The following YTHDC2 variants were observed in gnomAD, a reference collection of about 807,000 sequenced individuals.
YTHDC2 encodes the protein YTH N6-methyladenosine RNA binding protein C2.
YTHDC2 carries 45 observed loss-of-function variants against 174.9 expected under a neutral mutation model. The observed-to-expected ratio is 0.26, with a 90% confidence interval of 0.20 to 0.33. The LOEUF is 0.33. Among genes scored for constraint, YTHDC2 ranks in the 10% least tolerant of loss-of-function variants. The pLI, the probability that YTHDC2 is intolerant of heterozygous loss-of-function variation, is 1.00. For synonymous variants in YTHDC2, 657 were observed against 574.5 expected (o/e 1.14, Z -2.05); for missense variants, 1,650 against 1,723.7 (o/e 0.96, Z 0.76).
chr5:113,549,174 A>G (rs1026818598), intron 12 of YTHDC2, among the ~76,000 whole-genome samples, 154 bp downstream of exon 12: 2 of 152,118 alleles, frequency 1.3e-5, no homozygotes, highest in Non-Finnish European at 2.9e-5. Context: ...CTGATCTACC[A>G]TGGTATAATA....
chr5:113,514,139 C>T (rs1164154412), intron 1 of YTHDC2, 57 bp downstream of exon 1: 29 of 1,554,056 alleles, frequency 1.9e-5, no homozygotes, highest in Admixed American at 1.8e-4. Context: ...CACCCCAGCG[C>T]CCCCCAAACG....
In YTHDC2 at chr5:113,553,271, A is replaced by G; in HGVS notation, c.1779A>G (p.Lys593=). The change falls in exon 13 of 30, where the codon AAA becomes AAG. Residue 593 remains lysine (K), a synonymous_variant. Coordinates refer to ENST00000161863, the MANE Select transcript of YTHDC2 (RefSeq NM_022828.5). ...DLSAEDRELL[K]AYHHSFDDEK... ...GTGCTGAAGACAGAGAGCTCCTGAA[A>G]GCTTATCATCATAGTTTCGATGATG... The G allele has an allele frequency of 1.2e-6, 2 of 1,611,128 alleles. No homozygotes were observed. The highest frequency in any genetic ancestry group is 1.7e-6 in the Non-Finnish European group (2 of 1,178,632).
At chr5:113,563,187 G>T (rs1173936133) in intron 18 of YTHDC2, among the ~76,000 whole-genome samples, 186 bp from the exon 19 acceptor site, 3 of 152,000 alleles carry the variant, frequency 2.0e-5, no homozygotes, top group Non-Finnish European at 4.4e-5. Context: ...TATTTATTAA[G>T]GTTCTGGCAT....
rs1302284019 is a variant in YTHDC2, at chr5:113,591,116, C to T, written c.3901C>T (p.Leu1301Phe). The T allele has an allele frequency of 6.2e-7, 1 of 1,613,882 alleles. No individual in the cohort carries two copies. The highest frequency in any genetic ancestry group is 8.5e-7 in the Non-Finnish European group (1 of 1,179,868). ...AATGAAGAGTAGCAATTTGAGAAAC[C>T]TTGAAATTTCTCAACAGAAGGGTAT... ...FIMKSSNLRN[L>F]EISQQKGIWS... Residue 1301 changes from leucine (L) to phenylalanine (F), a missense_variant, in exon 27 of 30, where the codon CTT becomes TTT. By Grantham distance (22) the Leu-to-Phe change is conservative. Transcript: ENST00000161863.
intron 7 of YTHDC2, among the ~76,000 whole-genome samples, chr5:113,536,496 G>T (rs1775082635): frequency 6.6e-6 from 1 of 152,218 alleles, no homozygotes; most frequent in Non-Finnish European, 1.5e-5. Flanking sequence ...CTGCACTCCA[G>T]CCTGGGTGAC....
chr5:113,589,283 T>C (rs1445921738), intron 26 of YTHDC2, among the ~76,000 whole-genome samples: 2 of 151,686 alleles, frequency 1.3e-5, no homozygotes, highest in South Asian at 2.1e-4. Flanking sequence ...TCTACTGTTT[T>C]GTCTGTACGT....
rs144796953 is a variant in YTHDC2 at position 113,594,265 on chromosome 5, C to G, written c.*791C>G. ...TGCATTTCTCCCTCCCTCCTTCCCT[C>G]GTCACATCTCTTATATGAGCACAGT... On this transcript the variant is annotated 3_prime_UTR_variant, in exon 30 of 30. Transcript: ENST00000161863. The G allele has an allele frequency of 6.6e-6, 1 of 152,138 alleles. No homozygotes were observed. Among genetic ancestry groups the G allele is most frequent in the East Asian group, 1.9e-4 (1 of 5,196 alleles). The allele number at this position is 152,138 out of a possible 1,614,324, so 9.4% of individuals were successfully genotyped here.
intron 23 of YTHDC2, among the ~76,000 whole-genome samples, chr5:113,570,743 TG>T (rs1314052341): frequency 6.6e-6 from 1 of 152,078 alleles, no homozygotes; most frequent in East Asian, 1.9e-4. Flanking sequence ...CTCCGCCTTC[TG>T]GGTTCAAGCA....
chr5:113,534,183 A>G (rs1245313518), intron 5 of YTHDC2, 122 bp from the exon 6 acceptor site: 2 of 704,258 alleles, frequency 2.8e-6, no homozygotes, highest in Admixed American at 2.2e-5. Context: ...TAAACTGTAC[A>G]TACCGGTACA....
intron 25 of YTHDC2, chr5:113,583,089 T>C (rs911653853): frequency 6.6e-6 from 1 of 152,200 alleles, no homozygotes; most frequent in Non-Finnish European, 1.5e-5. Flanking sequence ...TTCTGTTAGA[T>C]TCAAGAAACG....
At chr5:113,555,776 A>T (rs1455210678) in intron 16 of YTHDC2, among the ~76,000 whole-genome samples, 1 of 152,162 alleles carries the variant, frequency 6.6e-6, no homozygotes, top group Non-Finnish European at 1.5e-5. Flanking sequence ...GGCTGCCATT[A>T]TCCAGCTGTG....
intron 6 of YTHDC2, among the ~76,000 whole-genome samples, chr5:113,535,404 G>A (rs1328910061): frequency 6.6e-6 from 1 of 151,952 alleles, no homozygotes; most frequent in Non-Finnish European, 1.5e-5. Flanking sequence ...CATGGGGGAA[G>A]GCCCTGGAAC....
rs1305613399 is a variant in YTHDC2, at chr5:113,542,467, C to G, written c.1459C>G (p.Gln487Glu). The change falls in exon 10 of 30, where the codon CAG (glutamine) becomes GAG (glutamate). Residue 487 changes from glutamine to glutamate, a missense_variant. Physicochemically the swap from Gln to Glu is conservative, Grantham distance 29. This residue lies in a region of YTHDC2 where 411 missense variants were observed against 380.6 expected (regional missense o/e 1.08). Coordinates refer to ENST00000161863, the MANE Select transcript of YTHDC2 (RefSeq NM_022828.5). ...WLHKDIDAFA[Q>E]VFHLILTENV... ...ACATAAAGATATTGATGCCTTTGCT[C>G]AGGTCTTTCATCTCATTTTAACTGA... 2.6e-5 allele frequency: 42 copies of G among 1,608,904 alleles called. No homozygotes were observed. The highest frequency in any genetic ancestry group is 3.6e-5 in the Non-Finnish European group (42 of 1,178,684).
intron 23 of YTHDC2, among the ~76,000 whole-genome samples, chr5:113,572,454 A>G (rs1398362692): frequency 3.9e-5 from 6 of 152,214 alleles, no homozygotes; most frequent in African/African-American, 1.4e-4. Flanking sequence ...GTTTTTGGGT[A>G]GAGAGTTCTG....
chr5:113,548,765 G>A (rs1561658324), intron 11 of YTHDC2, 98 bp downstream of exon 11: 1 of 1,319,992 alleles, frequency 7.6e-7, no homozygotes, highest in Non-Finnish European at 1.0e-6. Context: ...AAACTATTGT[G>A]TAATAATTGC....
intron 5 of YTHDC2, among the ~76,000 whole-genome samples, chr5:113,534,007 A>C (rs1304544582): frequency 6.6e-6 from 1 of 152,174 alleles, no homozygotes; most frequent in African/African-American, 2.4e-5. Flanking sequence ...GTGGTGATTA[A>C]AAAATCTGAT....
At chr5:113,566,980 C>T (rs989767224) in intron 21 of YTHDC2, 112 bp from the exon 22 acceptor site, 40 of 1,174,732 alleles carry the variant, frequency 3.4e-5, no homozygotes, top group Non-Finnish European at 4.5e-5. Context: ...TATTAATTAT[C>T]GTGAAATTTG....
rs571818324 is a variant in YTHDC2, at chr5:113,549,177, G to A, written c.1688+157G>A. 2.0e-5 allele frequency among the ~76,000 whole-genome samples: 3 copies of A among 152,118 alleles called. No individual in the cohort carries two copies. In the South Asian group the frequency reaches 6.2e-4, roughly 32 times the overall value. On this transcript the variant is annotated intron_variant, in intron 12 of 29. Transcript: ENST00000161863. ...GAAATTTTCTGTCTGATCTACCATGGTATAATATTTGTCTTATTTTAAGAA... is the reference window on the plus strand; with the variant it reads ...GAAATTTTCTGTCTGATCTACCATGATATAATATTTGTCTTATTTTAAGAA...
intron 18 of YTHDC2, among the ~76,000 whole-genome samples, chr5:113,562,277 G>GGT (rs899167363): frequency 3.4e-5 from 4 of 117,402 alleles, no homozygotes; most frequent in African/African-American, 6.4e-5. Context: ...GGTGTGTGTG[G>GGT]GTGTGTGTGT....
Sources: gnomAD v4.1 joint callset for allele counts (sites outside exome capture counted in the v4.1 genomes callset) on GRCh38, gnomAD v4.1.1 for gene constraint, gnomAD v4.1.1 regional missense constraint, MANE v1.5 for transcripts, NCBI Gene and HGNC (gene_info 2026-07-23, HGNC 2026-07-21) for gene names.